Variants in STAU2 observed in about 807,000 individuals in gnomAD.
STAU2 encodes the protein double-stranded RNA-binding protein Staufen homolog 2.
Under a neutral mutation model 65.9 loss-of-function variants are expected in STAU2, and 20 were observed. The ratio of observed to expected loss-of-function variants is 0.30; its 90% CI spans 0.21 to 0.44. The LOEUF (loss-of-function observed/expected upper bound fraction) is 0.44. Ranked by LOEUF, STAU2 falls within the 20% of genes least tolerant of loss-of-function variation. The probability of loss-of-function intolerance (pLI) is 1.00; values close to 1 mark genes in which losing one functional copy is unlikely to be tolerated. For synonymous variants in STAU2, 232 were observed against 233.9 expected (o/e 0.99, Z 0.07); for missense variants, 558 against 683.9 (o/e 0.82, Z 2.05).
intron 6 of STAU2, among the ~76,000 whole-genome samples, chr8:73,643,573 T>C (rs531702029): frequency 6.6e-6 from 1 of 152,312 alleles, no homozygotes; most frequent in Admixed American, 6.5e-5. Flanking sequence ...CCTTATGGCC[T>C]CTGACAATAT....
chr8:73,723,491 T>C (rs116143191), intron 3 of STAU2, among the ~76,000 whole-genome samples: 1,603 of 152,362 alleles, frequency 0.011, 27 homozygotes, highest in African/African-American at 0.036. Flanking sequence ...CTGTATATTA[T>C]GTCCCTTGAG....
intron 12 of STAU2, among the ~76,000 whole-genome samples, chr8:73,553,618 A>G (rs1368457471): frequency 6.6e-6 from 1 of 151,886 alleles, no homozygotes; most frequent in East Asian, 1.9e-4. Flanking sequence ...AACAGCTAAC[A>G]CTTTGGGAAA....
chr8:73,546,771 G>C (rs991403105), intron 13 of STAU2, among the ~76,000 whole-genome samples: 1 of 152,194 alleles, frequency 6.6e-6, no homozygotes, highest in African/African-American at 2.4e-5. Flanking sequence ...CTGGAGAAAG[G>C]GAAATGCTGG....
At chr8:73,732,437 G>A (rs2130755114) in intron 3 of STAU2, 1 of 152,018 alleles carries the variant, frequency 6.6e-6, no homozygotes, top group South Asian at 2.1e-4. Flanking sequence ...TAAATATCGG[G>A]ATGCCGGGAT....
At chr8:73,640,576 G>A (rs1814882459) in intron 6 of STAU2, among the ~76,000 whole-genome samples, 1 of 152,106 alleles carries the variant, frequency 6.6e-6, no homozygotes, top group Non-Finnish European at 1.5e-5. Flanking sequence ...GAGGGTGGTG[G>A]TGCTCCAATA....
At chr8:73,471,952 G>T (rs1365013962) in intron 13 of STAU2, among the ~76,000 whole-genome samples, 1 of 152,114 alleles carries the variant, frequency 6.6e-6, no homozygotes, top group Non-Finnish European at 1.5e-5. Flanking sequence ...GACAGAACCA[G>T]TGGAAGAGGG....
At chr8:73,663,441 A>G (rs956341219) in intron 6 of STAU2, among the ~76,000 whole-genome samples, 6 of 152,170 alleles carry the variant, frequency 3.9e-5, no homozygotes, top group Admixed American at 1.3e-4. Flanking sequence ...ACTGATCCAT[A>G]TATCTGTCCC....
chr8:73,498,104 T>C (rs1327114662), intron 13 of STAU2, among the ~76,000 whole-genome samples: 3 of 151,896 alleles, frequency 2.0e-5, no homozygotes, highest in South Asian at 2.1e-4. Context: ...ACATGATTTA[T>C]ATTATTTAAT....
intron 6 of STAU2, among the ~76,000 whole-genome samples, chr8:73,661,125 G>T (rs1447295871): frequency 6.6e-6 from 1 of 152,134 alleles, no homozygotes; most frequent in African/African-American, 2.4e-5. Context: ...AATTAACCGA[G>T]AATTAGAAGT....
At chr8:73,673,870 G>A (rs1178244686) in intron 5 of STAU2, among the ~76,000 whole-genome samples, 3 of 151,876 alleles carry the variant, frequency 2.0e-5, no homozygotes, top group Admixed American at 6.6e-5. Context: ...CATCAATGCA[G>A]CATCAGTTAT....
chr8:73,687,722 T>G (rs923549992), intron 5 of STAU2, among the ~76,000 whole-genome samples: 1 of 151,078 alleles, frequency 6.6e-6, no homozygotes, highest in Non-Finnish European at 1.5e-5. Context: ...TTTGTTTGTT[T>G]GTTTTTTGAG....
intron 13 of STAU2, chr8:73,550,016 T>C (rs1044879910): frequency 1.4e-5 from 14 of 985,526 alleles, no homozygotes; most frequent in Admixed American, 6.1e-5. Context: ...TGCGACATTA[T>C]GAAGATGGGC....
intron 13 of STAU2, among the ~76,000 whole-genome samples, chr8:73,447,195 C>T (rs192886732): frequency 4.6e-5 from 7 of 151,936 alleles, no homozygotes; most frequent in South Asian, 4.2e-4. Flanking sequence ...CTGCCCGCCT[C>T]GGCCTCCCAA....
intron 6 of STAU2, among the ~76,000 whole-genome samples, chr8:73,619,958 A>ATTTTAACAAATAAAAATATT (rs1813105744): frequency 6.6e-6 from 1 of 152,212 alleles, no homozygotes; most frequent in South Asian, 2.1e-4. Context: ...CGCATTTTAA[A>ATTTTAACAAATAAAAATATT]TGTTTTTATT....
upstream of STAU2, chr8:73,747,334 T>A: frequency 1.3e-6 from 2 of 1,525,376 alleles, no homozygotes; most frequent in Non-Finnish European, 1.8e-6. Context: ...CCCGCCCGAC[T>A]GACCGTCTGC....
At chr8:73,494,267 A>G (rs1412769505) in intron 13 of STAU2, among the ~76,000 whole-genome samples, 1 of 151,734 alleles carries the variant, frequency 6.6e-6, no homozygotes, top group East Asian at 1.9e-4. Context: ...TTGAAATCCA[A>G]TACAAAAATG....
At chr8:73,595,350 C>T in intron 10 of STAU2, 53 bp from the exon 11 acceptor site, 2 of 1,491,408 alleles carry the variant, frequency 1.3e-6, no homozygotes, top group East Asian at 2.4e-5. Flanking sequence ...TAAATTTAAA[C>T]AGGAAGTCCT....
At chr8:73,600,270 T>C (rs1489311570) in intron 10 of STAU2, among the ~76,000 whole-genome samples, 1 of 152,246 alleles carries the variant, frequency 6.6e-6, no homozygotes, top group South Asian at 2.1e-4. Flanking sequence ...TGAAAACATA[T>C]TCATTACAGA....
chr8:73,575,046 A>C (rs1374841720), intron 12 of STAU2, among the ~76,000 whole-genome samples: 1 of 151,624 alleles, frequency 6.6e-6, no homozygotes, highest in Non-Finnish European at 1.5e-5. Context: ...AAATATATTA[A>C]AAAGAAAAAC....
Sources: allele counts gnomAD v4.1 joint callset (sites outside exome capture counted in the v4.1 genomes callset), GRCh38; gene constraint gnomAD v4.1.1; transcripts MANE v1.5; gene names NCBI Gene and HGNC (gene_info 2026-07-23, HGNC 2026-07-21).